PLPPR1: variants seen among roughly 807,000 people sequenced by gnomAD.
PLPPR1 encodes the protein phospholipid phosphatase related 1.
PLPPR1 carries 10 observed loss-of-function variants against 33.1 expected under a neutral mutation model. The observed-to-expected ratio is 0.30, with a 90% CI of 0.19 to 0.51. PLPPR1 has a LOEUF of 0.51. Among genes scored for constraint, PLPPR1 ranks in the 20% least tolerant of loss-of-function variants. PLPPR1 has a pLI of 0.97. For synonymous variants in PLPPR1, 151 were observed against 151.0 expected, an observed-to-expected ratio of 1.00 and a Z score of 0.00; for missense variants, 304 against 408.1, an observed-to-expected ratio of 0.74 and a Z score of 2.20.
chr9:101,139,150 C>T (rs1332001928), intron 1 of PLPPR1, among the ~76,000 whole-genome samples: 1 of 151,998 alleles, frequency 6.6e-6, no homozygotes, highest in Non-Finnish European at 1.5e-5. Flanking sequence ...AAAAAACTAC[C>T]CATTGCAAAA....
At chr9:101,215,287 AT>A (rs1230921294) in intron 2 of PLPPR1, among the ~76,000 whole-genome samples, 3 of 150,626 alleles carry the variant, frequency 2.0e-5, no homozygotes, top group African/African-American at 2.4e-5. Context: ...GTCTTTTTTT[AT>A]TTTTTTTTGG....
At chr9:101,204,843 AAGTG>A (rs886409764) in intron 2 of PLPPR1, among the ~76,000 whole-genome samples, 6 of 152,180 alleles carry the variant, frequency 3.9e-5, no homozygotes, top group Non-Finnish European at 7.4e-5. Flanking sequence ...CCACAAATTA[AAGTG>A]AGTAAGACTC....
chr9:101,134,831 G>T (rs1831358977), intron 1 of PLPPR1, among the ~76,000 whole-genome samples: 1 of 152,036 alleles, frequency 6.6e-6, no homozygotes, highest in South Asian at 2.1e-4. Flanking sequence ...ACTGGGCCTG[G>T]TACGGAGCAG....
chr9:101,245,603 G>C (rs1827577709), intron 2 of PLPPR1, among the ~76,000 whole-genome samples: 1 of 151,876 alleles, frequency 6.6e-6, no homozygotes, highest in African/African-American at 2.4e-5. Flanking sequence ...TTTTTCTAGT[G>C]CATATCAAGT....
chr9:101,157,499 T>C (rs1181474192), intron 1 of PLPPR1, among the ~76,000 whole-genome samples: 2 of 152,266 alleles, frequency 1.3e-5, no homozygotes, highest in African/African-American at 4.8e-5. Flanking sequence ...ATTATTAGCA[T>C]ATTGTGATGG....
intron 1 of PLPPR1, among the ~76,000 whole-genome samples, chr9:101,155,137 A>G (rs924548077): frequency 1.3e-5 from 2 of 151,960 alleles, no homozygotes; most frequent in Non-Finnish European, 2.9e-5. Context: ...GAGATTGTCT[A>G]ACTGTCAGGA....
chr9:101,295,660 T>A (rs1479474381), intron 4 of PLPPR1, among the ~76,000 whole-genome samples: 1 of 149,644 alleles, frequency 6.7e-6, no homozygotes, highest in East Asian at 2.0e-4. Flanking sequence ...TATCTACAAC[T>A]ATCTGATCTT....
intron 1 of PLPPR1, among the ~76,000 whole-genome samples, chr9:101,115,181 C>T (rs141969240): frequency 1.3e-5 from 2 of 152,150 alleles, no homozygotes; most frequent in African/African-American, 2.4e-5. Flanking sequence ...CCTAGTGAAA[C>T]GAAGTGCCCC....
chr9:101,085,525 A>G (rs1830665114), intron 1 of PLPPR1, among the ~76,000 whole-genome samples: 1 of 152,178 alleles, frequency 6.6e-6, no homozygotes, highest in Non-Finnish European at 1.5e-5. Context: ...TCCTAAACAT[A>G]GAGGCATGAA....
intron 1 of PLPPR1, among the ~76,000 whole-genome samples, chr9:101,134,042 A>C (rs1471728595): frequency 6.6e-6 from 1 of 152,212 alleles, no homozygotes; most frequent in East Asian, 1.9e-4. Context: ...CAAATATTTG[A>C]ATTACTAATA....
chr9:101,246,069 T>TAG (rs1827595591), intron 2 of PLPPR1, among the ~76,000 whole-genome samples: 1 of 72,668 alleles, frequency 1.4e-5, no homozygotes, highest in African/African-American at 4.2e-5. Flanking sequence ...TATATATATA[T>TAG]ATATATATAT....
chr9:101,098,149 A>G (rs1015540038), intron 1 of PLPPR1, among the ~76,000 whole-genome samples: 1 of 152,162 alleles, frequency 6.6e-6, no homozygotes, highest in African/African-American at 2.4e-5. Context: ...ATAGATTGGA[A>G]ATGTAGCAGG....
chr9:101,214,040 T>C (rs1826737573), intron 2 of PLPPR1, among the ~76,000 whole-genome samples: 1 of 152,208 alleles, frequency 6.6e-6, no homozygotes, highest in Admixed American at 6.5e-5. Flanking sequence ...TCAGTCACTC[T>C]TGACTGCTCT....
chr9:101,196,400 AATCT>A (rs1659067769), intron 2 of PLPPR1, among the ~76,000 whole-genome samples: 1 of 152,188 alleles, frequency 6.6e-6, no homozygotes, highest in African/African-American at 2.4e-5. Context: ...CACTCCTAAT[AATCT>A]ATCTTACAGA....
At chr9:101,072,572 T>G (rs950624340) in intron 1 of PLPPR1, among the ~76,000 whole-genome samples, 3 of 152,014 alleles carry the variant, frequency 2.0e-5, no homozygotes, top group South Asian at 2.1e-4. Context: ...AAAGATTAAC[T>G]GAGGGAATAG....
At chr9:101,277,177 G>C (rs578256962) in intron 3 of PLPPR1, among the ~76,000 whole-genome samples, 7 of 152,316 alleles carry the variant, frequency 4.6e-5, no homozygotes, top group Non-Finnish European at 2.9e-5. Context: ...TACTATTGAA[G>C]CCTCCCAGGG....
chr9:101,077,548 G>C (rs1428796477), intron 1 of PLPPR1, among the ~76,000 whole-genome samples: 6 of 152,182 alleles, frequency 3.9e-5, no homozygotes, highest in Non-Finnish European at 8.8e-5. Flanking sequence ...CAGCTTCTCT[G>C]AGATAGAGAT....
chr9:101,108,203 G>T (rs1310568064), intron 1 of PLPPR1, among the ~76,000 whole-genome samples: 2 of 152,060 alleles, frequency 1.3e-5, no homozygotes, highest in South Asian at 2.1e-4. Context: ...TTCTACTATT[G>T]TAATTCCATG....
chr9:101,248,012 G>A (rs1002050843), intron 2 of PLPPR1, among the ~76,000 whole-genome samples: 2 of 151,990 alleles, frequency 1.3e-5, no homozygotes, highest in Non-Finnish European at 2.9e-5. Context: ...GACTGGGTGA[G>A]CTCATATAGC....
Sources: gnomAD v4.1 joint callset for allele counts (sites outside exome capture counted in the v4.1 genomes callset) on GRCh38, gnomAD v4.1.1 for gene constraint, MANE v1.5 for transcripts, NCBI Gene and HGNC (gene_info 2026-07-23, HGNC 2026-07-21) for gene names.